Variants in MCM6 observed in about 807,000 individuals in gnomAD.
MCM6 encodes the protein DNA replication licensing factor MCM6.
A neutral mutation model predicts 94.3 loss-of-function variants in MCM6; 46 were observed. That is an observed-to-expected ratio of 0.49 (90% CI 0.39 to 0.62). The LOEUF (loss-of-function observed/expected upper bound fraction) is 0.62, where lower values mean the gene tolerates loss of function less well. Among genes scored for constraint, MCM6 ranks in the 20% least tolerant of loss-of-function variants. MCM6 has a pLI of 0.00. For missense variants in MCM6, 865 were observed against 1,017.9 expected, an observed-to-expected ratio of 0.85 and a Z score of 2.04; for synonymous variants, 335 against 351.9, an observed-to-expected ratio of 0.95 and a Z score of 0.54.
chr2:135,853,384 C>T (rs1255234843), intron 11 of MCM6, among the ~76,000 whole-genome samples: 1 of 152,076 alleles, frequency 6.6e-6, no homozygotes, highest in Admixed American at 6.6e-5. Flanking sequence ...GTTGAAGGGG[C>T]AGTGAAGCCA....
rs139232016 is a variant in MCM6, at chr2:135,846,140, C to A, written c.2209+97G>T. ...TTATCTAACAACTTATCCTCTCTTC[C>A]GACAGAACAACACGAAGTTTGGCAA... On this transcript the variant is annotated intron_variant, in intron 15 of 16. Transcript: ENST00000264156. The A allele has an allele frequency of 2.1e-5, 27 of 1,271,106 alleles. No individual in the cohort carries two copies. In the East Asian group the frequency reaches 4.9e-4, roughly 23 times the overall value. The allele number at this position is 1,271,106 out of a possible 1,614,324, so 78.7% of individuals were successfully genotyped here.
chr2:135,840,703 T>C lies in MCM6; in HGVS notation c.*132A>G, dbSNP rs192736265. On this transcript the variant is annotated 3_prime_UTR_variant, in exon 17 of 17. Coordinates refer to ENST00000264156, the MANE Select transcript of MCM6 (RefSeq NM_005915.6). ...ACACATAGGACCATCAACTCAATTC[T>C]TGTTTCTGAAAACAAATCCTGGAAG... The C allele has an allele frequency of 6.1e-5, 39 of 640,324 alleles. No individual in the cohort carries two copies. The highest frequency in any genetic ancestry group is 1.4e-5 in the Non-Finnish European group (5 of 359,294). The allele number at this position is 640,324 out of a possible 1,614,324, so 39.7% of individuals were successfully genotyped here. A position where few individuals can be genotyped will look rare whatever the true frequency, so the allele number is the denominator to read the frequency against.
chr2:135,875,926 A>C (rs1343754129), intron 1 of MCM6, among the ~76,000 whole-genome samples: 1 of 152,078 alleles, frequency 6.6e-6, no homozygotes, highest in East Asian at 1.9e-4. Context: ...CAGTTACTAT[A>C]CTCAGCGAGC....
intron 16 of MCM6, among the ~76,000 whole-genome samples, chr2:135,841,391 T>C (rs1224709620): frequency 6.6e-6 from 1 of 152,076 alleles, no homozygotes; most frequent in Non-Finnish European, 1.5e-5. Context: ...GAAGAATCTA[T>C]GAAAATTCAT....
chr2:135,844,508 C>G, intron 16 of MCM6, 37 bp downstream of exon 16: 2 of 1,418,086 alleles, frequency 1.4e-6, no homozygotes, highest in Middle Eastern at 1.9e-4. Flanking sequence ...AACTCCCTCC[C>G]TCCCTGATAC....
At position 135,867,894 on chromosome 2, in the gene MCM6, G is replaced by A. The variant is rs982107639; in HGVS notation, c.615+717C>T. On this transcript the variant is annotated intron_variant, in intron 4 of 16. Transcript: ENST00000264156. The stretch of plus-strand genomic sequence containing the variant: ...TACAAAAAATTAGCCGGGTGTGGTG[G>A]TGGGCACCTGTAGTCCCAGCTACTC... Among the ~76,000 whole-genome samples the A allele has an allele frequency of 1.1e-4, 16 of 152,228 alleles. No individual in the cohort carries two copies. In the East Asian group the frequency reaches 1.2e-3, roughly 11 times the overall value.
At chr2:135,861,267 G>C (rs1433497303) in intron 8 of MCM6, among the ~76,000 whole-genome samples, 2 of 152,068 alleles carry the variant, frequency 1.3e-5, no homozygotes, top group Admixed American at 6.5e-5. Context: ...GCAGGCAACT[G>C]TATCTGAATT....
At chr2:135,852,159 A>G (rs1227444966) in intron 12 of MCM6, among the ~76,000 whole-genome samples, 1 of 152,218 alleles carries the variant, frequency 6.6e-6, no homozygotes, top group Non-Finnish European at 1.5e-5. Flanking sequence ...GTGAGAGCCA[A>G]CTGCAATCTC....
intron 11 of MCM6, among the ~76,000 whole-genome samples, chr2:135,853,302 G>A (rs968566365): frequency 3.9e-5 from 6 of 152,066 alleles, no homozygotes; most frequent in African/African-American, 1.4e-4. Context: ...AAACTAGCTG[G>A]GCATGGTGGT....
At chr2:135,857,317 TGTCA>T (rs1379152574) in intron 10 of MCM6, among the ~76,000 whole-genome samples, 1 of 152,232 alleles carries the variant, frequency 6.6e-6, no homozygotes, top group Non-Finnish European at 1.5e-5. Context: ...GGAATGAAAT[TGTCA>T]GTATTATGCT....
At chr2:135,859,513 G>A (rs552028995) in intron 8 of MCM6, 71 bp from the exon 9 acceptor site, 2 of 1,090,218 alleles carry the variant, frequency 1.8e-6, no homozygotes, top group South Asian at 3.3e-5. Flanking sequence ...AAAACCAGCA[G>A]AAGAGTTTAA....
chr2:135,858,887 GTTTT>G (rs4988202), intron 9 of MCM6, among the ~76,000 whole-genome samples: 1 of 151,630 alleles, frequency 6.6e-6, no homozygotes, highest in East Asian at 1.9e-4. Flanking sequence ...AGAATGCTGG[GTTTT>G]TTTTGTTTTG....
chr2:135,871,695 G>C (rs920779341), intron 2 of MCM6, among the ~76,000 whole-genome samples: 8 of 151,848 alleles, frequency 5.3e-5, no homozygotes, highest in African/African-American at 1.9e-4. Context: ...AACCACAATT[G>C]GAGCTATTAG....
intron 4 of MCM6, among the ~76,000 whole-genome samples, chr2:135,867,142 A>G (rs1031061538): frequency 3.9e-5 from 6 of 152,348 alleles, no homozygotes; most frequent in African/African-American, 1.4e-4. Flanking sequence ...AACATTATTT[A>G]CAGATACATG....
intron 13 of MCM6, among the ~76,000 whole-genome samples, 178 bp from the exon 14 acceptor site, chr2:135,848,366 A>G (rs1219295483): frequency 6.6e-6 from 1 of 152,174 alleles, no homozygotes; most frequent in Non-Finnish European, 1.5e-5. Flanking sequence ...CACACACAGA[A>G]ATAGCACTAT....
At chr2:135,875,726 G>A (rs1294887327) in intron 1 of MCM6, among the ~76,000 whole-genome samples, 1 of 152,192 alleles carries the variant, frequency 6.6e-6, no homozygotes, top group East Asian at 1.9e-4. Flanking sequence ...CTCTCTGCAG[G>A]GCAGGGCTCC....
intron 4 of MCM6, among the ~76,000 whole-genome samples, chr2:135,866,970 GA>G (rs112392599): frequency 0.068 from 9,984 of 147,486 alleles, 884 homozygotes; most frequent in African/African-American, 0.2. Context: ...AAGCAGCAGA[GA>G]AAAAAAAAAC....
At chr2:135,871,316 A>G (rs1680195814) in intron 2 of MCM6, among the ~76,000 whole-genome samples, 1 of 152,014 alleles carries the variant, frequency 6.6e-6, no homozygotes. Context: ...TTGATTGTCT[A>G]CCTCTCCCTT....
intron 8 of MCM6, 133 bp downstream of exon 8, chr2:135,862,474 T>G: frequency 2.6e-5 from 26 of 993,476 alleles, no homozygotes; most frequent in Non-Finnish European, 3.1e-5. Context: ...CTTTAATCTA[T>G]GAGAATTATA....
Sources: gnomAD v4.1 joint callset for allele counts (sites outside exome capture counted in the v4.1 genomes callset) on GRCh38, gnomAD v4.1.1 for gene constraint, MANE v1.5 for transcripts, NCBI Gene and HGNC (gene_info 2026-07-23, HGNC 2026-07-21) for gene names.